CCDC122: variants seen among roughly 807,000 people sequenced by gnomAD.
CCDC122 encodes the protein coiled-coil domain-containing protein 122.
In CCDC122, 38 loss-of-function variants were observed where a neutral mutation model predicts 37.0. The observed-to-expected ratio is 1.03, with a 90% CI of 0.79 to 1.35. The LOEUF (loss-of-function observed/expected upper bound fraction) is 1.35, where lower values mean the gene tolerates loss of function less well. Ranked by LOEUF, CCDC122 falls within the 40% of genes most tolerant of loss-of-function variation. The probability of loss-of-function intolerance (pLI) is 0.00; values close to 1 mark genes in which losing one functional copy is unlikely to be tolerated. For missense variants in CCDC122, 305 were observed against 310.0 expected, an observed-to-expected ratio of 0.98 and a Z score of 0.12; for synonymous variants, 83 against 95.6, an observed-to-expected ratio of 0.87 and a Z score of 0.77.
intron 2 of CCDC122, among the ~76,000 whole-genome samples, chr13:43,874,519 GTAAC>G (rs1489005579): frequency 3.3e-5 from 5 of 152,104 alleles, no homozygotes; most frequent in African/African-American, 1.2e-4. Context: ...TAAAAATAAA[GTAAC>G]TAGTACTTCT....
chr13:43,869,929 T>C (rs1290712403), intron 2 of CCDC122, among the ~76,000 whole-genome samples: 2 of 152,122 alleles, frequency 1.3e-5, no homozygotes, highest in Admixed American at 1.3e-4. Flanking sequence ...AGTGCTATTC[T>C]GGAGAGGGCA....
In CCDC122 at chr13:43,869,482, T is replaced by G; in HGVS notation, c.-106A>C. On this transcript the variant is annotated 5_prime_UTR_variant, in exon 3 of 7. Coordinates refer to ENST00000444614, the MANE Select transcript of CCDC122 (RefSeq NM_144974.5). ...ACTTTTGTTTTTTCCTGTTGTATAT[T>G]GGTGATCCTGAAAGGTAAATTAATT... 2.5e-6 allele frequency: 2 copies of G among 812,928 alleles called. No homozygotes were observed. The highest frequency in any genetic ancestry group is 3.9e-6 in the Non-Finnish European group (2 of 514,794). 50.4% of individuals were successfully genotyped at this position (812,928 alleles called of 1,614,324 possible). A position where few individuals can be genotyped will look rare whatever the true frequency, so the allele number is the denominator to read the frequency against.
chr13:43,859,590 C>T, intron 5 of CCDC122, 82 bp downstream of exon 5: 1 of 1,100,710 alleles, frequency 9.1e-7, no homozygotes, highest in Non-Finnish European at 1.2e-6. Context: ...TTATTAACTT[C>T]ACAATAAATT....
At chr13:43,858,989 A>G (rs1954020219) in intron 5 of CCDC122, 92 bp from the exon 6 acceptor site, 1 of 1,039,484 alleles carries the variant, frequency 9.6e-7, no homozygotes, top group African/African-American at 1.7e-5. Context: ...TAAGAAAACT[A>G]GCCAAATCAA....
intron 4 of CCDC122, among the ~76,000 whole-genome samples, chr13:43,861,783 C>T (rs749731468): frequency 7.9e-5 from 12 of 152,164 alleles, no homozygotes; most frequent in Non-Finnish European, 1.5e-4. Flanking sequence ...CCAGACATCT[C>T]AACTATACAT....
intron 6 of CCDC122, among the ~76,000 whole-genome samples, 185 bp from the exon 7 acceptor site, chr13:43,837,614 C>T (rs1953211533): frequency 6.8e-6 from 1 of 147,958 alleles, no homozygotes; most frequent in African/African-American, 2.6e-5. Flanking sequence ...ATGTTAGATA[C>T]TGTGCTGAGA....
intron 4 of CCDC122, among the ~76,000 whole-genome samples, chr13:43,861,523 C>G (rs1484904170): frequency 6.6e-6 from 1 of 152,166 alleles, no homozygotes; most frequent in East Asian, 1.9e-4. Context: ...TTCTGTAGAT[C>G]TTCCCACCAA....
intron 6 of CCDC122, chr13:43,848,999 A>C: frequency 2.1e-6 from 2 of 960,946 alleles, no homozygotes; most frequent in Non-Finnish European, 2.5e-6. Flanking sequence ...ATCGATTCTC[A>C]TCATGGAATA....
chr13:43,824,495 G>GGCAA (rs1203686056), intron 3 of CCDC122, among the ~76,000 whole-genome samples: 5 of 152,076 alleles, frequency 3.3e-5, no homozygotes, highest in Admixed American at 1.3e-4. Flanking sequence ...CATCAGCCTA[G>GGCAA]GCAAAGAGTT....
intron 5 of CCDC122, among the ~76,000 whole-genome samples, chr13:43,859,189 C>T (rs1954025297): frequency 6.6e-6 from 1 of 152,050 alleles, no homozygotes; most frequent in Non-Finnish European, 1.5e-5. Flanking sequence ...AATTCTCTAG[C>T]AAGAAATGAT....
At chr13:43,823,812 G>A (rs1953014290), downstream of CCDC122, 1 of 152,292 alleles carries the variant, frequency 6.6e-6, no homozygotes, top group African/African-American at 2.4e-5. Flanking sequence ...GTCACTGCTG[G>A]GGTATGGAGG....
intron 4 of CCDC122, among the ~76,000 whole-genome samples, chr13:43,865,014 T>C (rs7989702): frequency 0.2 from 30,164 of 151,968 alleles, 3,069 homozygotes; most frequent in African/African-American, 0.24. Flanking sequence ...GGTATAAACA[T>C]ATTGAGGTGC....
intron 4 of CCDC122, among the ~76,000 whole-genome samples, chr13:43,863,029 G>A (rs572283638): frequency 2.1e-4 from 32 of 149,698 alleles, no homozygotes; most frequent in East Asian, 1.8e-3. Context: ...CAGCTTTATC[G>A]AAGCAAAATT....
intron 4 of CCDC122, among the ~76,000 whole-genome samples, chr13:43,862,598 G>A (rs549356221): frequency 1.3e-5 from 2 of 152,238 alleles, no homozygotes; most frequent in Non-Finnish European, 2.9e-5. Context: ...CAGGAACCAT[G>A]TCTGTCTTCA....
At chr13:43,867,721 G>A (rs943322480) in intron 4 of CCDC122, among the ~76,000 whole-genome samples, 2 of 152,066 alleles carry the variant, frequency 1.3e-5, no homozygotes, top group African/African-American at 4.8e-5. Flanking sequence ...TTTGAAGACT[G>A]AAAAGTTTTA....
downstream of CCDC122, among the ~76,000 whole-genome samples, chr13:43,832,006 AGT>A (rs1400439015): frequency 6.6e-6 from 1 of 152,000 alleles, no homozygotes; most frequent in Non-Finnish European, 1.5e-5. Context: ...TTTTTCTATT[AGT>A]GTCTGTTTCA....
At position 43,860,632 on chromosome 13, in the gene CCDC122, T is replaced by C. The variant is rs555658062; in HGVS notation, c.157-562A>G. 2.0e-5 allele frequency among the ~76,000 whole-genome samples: 3 copies of C among 152,302 alleles called. No individual in the cohort carries two copies. The East Asian group carries it at 5.8e-4, about 29-fold the overall frequency. On this transcript the variant is annotated intron_variant, in intron 4 of 6. Coordinates refer to ENST00000444614, the MANE Select transcript of CCDC122 (RefSeq NM_144974.5). ...TAAAGCCTAGTTTTCACACCACCAG[T>C]CTTCTGGTTCTCCTTAGAAATTTCT...
In CCDC122 at chr13:43,851,860, G is replaced by T. The variant is rs74068100; in HGVS notation, c.672+6921C>A. 7.4e-3 allele frequency among the ~76,000 whole-genome samples: 1,122 copies of T among 152,128 alleles called. 18 individuals carry two copies. Among genetic ancestry groups the T allele is most frequent in the African/African-American group, 0.026 (1,074 of 41,490 alleles). ...ACAGTCCAGGAGTTGGGAACAGAGC[G>T]TTGGCCCTTAAAATCTTCCAGAAAT... On this transcript the variant is annotated intron_variant, in intron 6 of 6. Transcript: ENST00000444614.
intron 4 of CCDC122, among the ~76,000 whole-genome samples, chr13:43,862,259 T>C (rs573674006): frequency 5.3e-5 from 8 of 152,306 alleles, no homozygotes; most frequent in South Asian, 4.1e-4. Flanking sequence ...TCTCCCTTTT[T>C]CCAGTCTCCT....
Sources: allele counts gnomAD v4.1 joint callset (sites outside exome capture counted in the v4.1 genomes callset), GRCh38; gene constraint gnomAD v4.1.1; transcripts MANE v1.5; gene names NCBI Gene and HGNC (gene_info 2026-07-23, HGNC 2026-07-21).